GPATCH2L: variants seen among roughly 807,000 people sequenced by gnomAD.
The protein encoded by GPATCH2L is G patch domain-containing protein 2-like.
GPATCH2L carries 31 observed loss-of-function variants against 57.4 expected under a neutral mutation model. The observed-to-expected ratio is 0.54, with a 90% CI of 0.41 to 0.73. The LOEUF (loss-of-function observed/expected upper bound fraction) is 0.73, where lower values mean the gene tolerates loss of function less well. Among genes scored for constraint, GPATCH2L ranks in the 30% least tolerant of loss-of-function variants. The probability of loss-of-function intolerance (pLI) is 0.00; values close to 1 mark genes in which losing one functional copy is unlikely to be tolerated. For missense variants in GPATCH2L, 481 were observed against 599.9 expected (o/e 0.80, Z 2.07); for synonymous variants, 199 against 210.7 (o/e 0.94, Z 0.48).
intron 9 of GPATCH2L, among the ~76,000 whole-genome samples, chr14:76,199,025 G>A (rs2040238170): frequency 6.6e-6 from 1 of 152,060 alleles, no homozygotes; most frequent in African/African-American, 2.4e-5. Flanking sequence ...TCTTTTTAAA[G>A]TTTAAATGTT....
intron 2 of GPATCH2L, among the ~76,000 whole-genome samples, chr14:76,235,156 G>A (rs57506534): frequency 0.027 from 3,346 of 123,576 alleles, 118 homozygotes; most frequent in African/African-American, 0.099. Flanking sequence ...CAACAAGAGC[G>A]AAACTCTGTC....
chr14:76,194,484 A>AGTGT (rs59406744), intron 8 of GPATCH2L, among the ~76,000 whole-genome samples: 6,563 of 151,124 alleles, frequency 0.043, 190 homozygotes, highest in African/African-American at 0.071. Context: ...GAGACATGAA[A>AGTGT]GTGTGTGTGT....
chr14:76,225,935 G>T (rs1029872926), intron 1 of GPATCH2L, among the ~76,000 whole-genome samples: 2 of 152,146 alleles, frequency 1.3e-5, no homozygotes, highest in African/African-American at 4.8e-5. Flanking sequence ...TCAACAGAAG[G>T]TCTAAAATTA....
intron 2 of GPATCH2L, among the ~76,000 whole-genome samples, chr14:76,164,973 A>G (rs2038762634): frequency 6.6e-6 from 1 of 152,322 alleles, no homozygotes; most frequent in East Asian, 1.9e-4. Flanking sequence ...CAAGGAAAGC[A>G]AAATGTTACT....
chr14:76,173,914 T>C (rs995762696), intron 5 of GPATCH2L: 1 of 418,124 alleles, frequency 2.4e-6, no homozygotes, highest in Non-Finnish European at 4.2e-6. Context: ...CTGTAACTTT[T>C]GATTAATGTT....
Position 76,212,732 on chromosome 14 carries a change from G to C in GPATCH2L, c.*10881G>C, listed in dbSNP as rs538917515. ...TTTCCCCATTTGACTGTGTATTAGA[G>C]CGTACAGAAAACATAAGTTTCAGAA... On this transcript the variant is annotated 3_prime_UTR_variant, in exon 10 of 10. Transcript: ENST00000261530. 2.6e-5 allele frequency: 4 copies of C among 152,062 alleles called. No individual in the cohort carries two copies. The highest frequency in any genetic ancestry group is 6.6e-5 in the Admixed American group (1 of 15,246). The allele number at this position is 152,062 out of a possible 1,614,324, so 9.4% of individuals were successfully genotyped here. A position where few individuals can be genotyped will look rare whatever the true frequency, so the allele number is the denominator to read the frequency against.
intron 1 of GPATCH2L, chr14:76,152,938 A>AT (rs2038122373): frequency 1.2e-5 from 4 of 334,790 alleles, no homozygotes; most frequent in Non-Finnish European, 2.3e-5. Flanking sequence ...ATTTTAATCC[A>AT]CTTTTTTTTT....
Position 76,154,049 on chromosome 14 carries a change from C to A in GPATCH2L, c.-10-305C>A. On this transcript the variant is annotated intron_variant, in intron 1 of 9. Transcript: ENST00000261530. This position sits in a 1 kb window ranked among gnomAD's most constrained non-coding sequence, Gnocchi z 4.4. ...GGGGAAAAGAGAGAAGGATCTAGTCCCCCGAATTTGTTTTGGGTCCTGTCC... is the reference window on the plus strand; with the variant it reads ...GGGGAAAAGAGAGAAGGATCTAGTCACCCGAATTTGTTTTGGGTCCTGTCC... 4.4e-6 allele frequency: 1 copy of A among 228,282 alleles called. No homozygotes were observed. The highest frequency in any genetic ancestry group is 8.5e-6 in the Non-Finnish European group (1 of 117,334). 14.1% of individuals were successfully genotyped at this position (228,282 alleles called of 1,614,324 possible).
At chr14:76,158,824 T>C (rs942085437) in intron 2 of GPATCH2L, among the ~76,000 whole-genome samples, 2 of 152,162 alleles carry the variant, frequency 1.3e-5, no homozygotes, top group African/African-American at 4.8e-5. Flanking sequence ...CTAGTATCCT[T>C]AGGGACAACT....
Position 76,195,974 on chromosome 14 carries a change from T to C in GPATCH2L, c.1288+2T>C. 6.2e-7 allele frequency: 1 copy of C among 1,602,666 alleles called. No homozygotes were observed. The highest frequency in any genetic ancestry group is 8.5e-7 in the Non-Finnish European group (1 of 1,169,596). ...CATCTTTGTCTAGCCCCAGTGCAGG[T>C]GATTACATGCAGTTATCATTTATTG... On this transcript the variant is annotated splice_donor_variant, in intron 9 of 9. Coordinates refer to ENST00000261530, the MANE Select transcript of GPATCH2L (RefSeq NM_017926.4). LOFTEE classifies it high-confidence loss of function.
intron 2 of GPATCH2L, among the ~76,000 whole-genome samples, chr14:76,235,269 A>G (rs6574281): frequency 0.39 from 59,328 of 152,020 alleles, 12,301 homozygotes; most frequent in East Asian, 0.53. Flanking sequence ...TCCCCACCCA[A>G]ATCTCACCTT....
rs2038059720 is a variant in GPATCH2L, at chr14:76,151,979, G to A, written c.-23G>A. 6.5e-6 allele frequency: 1 copy of A among 154,694 alleles called. No homozygotes were observed. The highest frequency in any genetic ancestry group is 1.4e-5 in the Non-Finnish European group (1 of 69,974). The allele number at this position is 154,694 out of a possible 1,614,324, so 9.6% of individuals were successfully genotyped here. A position where few individuals can be genotyped will look rare whatever the true frequency, so the allele number is the denominator to read the frequency against. On this transcript the variant is annotated 5_prime_UTR_variant, in exon 1 of 10. Coordinates refer to ENST00000261530, the MANE Select transcript of GPATCH2L (RefSeq NM_017926.4). The stretch of plus-strand genomic sequence containing the variant: ...CAAAAAGCGGCGGCCGTTGGAGGTG[G>A]CTGCGGCAGCTGGTGAGGGGGAGGA...
chr14:76,190,548 G>A (rs2039928343), intron 8 of GPATCH2L, among the ~76,000 whole-genome samples: 1 of 152,078 alleles, frequency 6.6e-6, no homozygotes, highest in Admixed American at 6.6e-5. Flanking sequence ...CTGAGGCCCT[G>A]ATCAGATGAA....
rs896309707 is a variant in GPATCH2L, at chr14:76,207,738, T to C, written c.*5887T>C. The C allele has an allele frequency of 6.6e-6, 1 of 152,204 alleles. No homozygotes were observed. Among genetic ancestry groups the C allele is most frequent in the Non-Finnish European group, 1.5e-5 (1 of 68,018 alleles). 9.4% of individuals were successfully genotyped at this position (152,204 alleles called of 1,614,324 possible). A position where few individuals can be genotyped will look rare whatever the true frequency, so the allele number is the denominator to read the frequency against. On this transcript the variant is annotated 3_prime_UTR_variant, in exon 10 of 10. Coordinates refer to ENST00000261530, the MANE Select transcript of GPATCH2L (RefSeq NM_017926.4). Reference sequence around the variant, plus strand: ...TGCAGGGGTTGGAGACCAATAGCGATGTCATGCTTTTTGGTTGTTGTTATT... The same window carrying C: ...TGCAGGGGTTGGAGACCAATAGCGACGTCATGCTTTTTGGTTGTTGTTATT...
rs143245592 is a variant in GPATCH2L at position 76,199,462 on chromosome 14, A to G, written c.1289-2229A>G. Among the ~76,000 whole-genome samples the G allele has an allele frequency of 1.1e-4, 16 of 152,206 alleles. No homozygotes were observed. In the East Asian group the frequency reaches 2.3e-3, roughly 22 times the overall value. Reference sequence around the variant, plus strand: ...TTGTCCTGCCAAAATCTATGTTTCAACTGCCATGTATGTGGTATTCTATTG... The same window carrying G: ...TTGTCCTGCCAAAATCTATGTTTCAGCTGCCATGTATGTGGTATTCTATTG... On this transcript the variant is annotated intron_variant, in intron 9 of 9. Transcript: ENST00000261530.
chr14:76,219,561 A>G (rs187416114), intron 1 of GPATCH2L, among the ~76,000 whole-genome samples: 2 of 152,320 alleles, frequency 1.3e-5, no homozygotes, highest in African/African-American at 4.8e-5. Flanking sequence ...ATACAATTGT[A>G]TCTATACATG....
At chr14:76,190,387 T>C (rs1450854585) in intron 8 of GPATCH2L, among the ~76,000 whole-genome samples, 1 of 152,092 alleles carries the variant, frequency 6.6e-6, no homozygotes, top group Non-Finnish European at 1.5e-5. Context: ...TAAAAATTTT[T>C]TGCTTTTAGT....
At chr14:76,184,676 G>A (rs1429280582) in intron 8 of GPATCH2L, among the ~76,000 whole-genome samples, 2 of 152,166 alleles carry the variant, frequency 1.3e-5, no homozygotes, top group Non-Finnish European at 2.9e-5. Flanking sequence ...TGTGGTCTTT[G>A]TACCATCTAA....
intron 2 of GPATCH2L, among the ~76,000 whole-genome samples, chr14:76,160,090 C>T (rs2139577399): frequency 6.6e-6 from 1 of 152,238 alleles, no homozygotes; most frequent in South Asian, 2.1e-4. Flanking sequence ...GCCGAGATCA[C>T]ACCACTGCAC....
Sources: gnomAD v4.1 joint callset for allele counts (sites outside exome capture counted in the v4.1 genomes callset) on GRCh38, gnomAD v4.1.1 for gene constraint, Gnocchi (gnomAD v3.1) non-coding constraint, MANE v1.5 for transcripts, NCBI Gene and HGNC (gene_info 2026-07-23, HGNC 2026-07-21) for gene names.